The following PABPC4L variants were observed in gnomAD, a reference collection of about 807,000 sequenced individuals.
PABPC4L encodes poly(A) binding protein cytoplasmic 4 like.
For missense variants in PABPC4L, 452 were observed against 451.4 expected (o/e 1.00, Z -0.01); for synonymous variants, 169 against 164.1 (o/e 1.03, Z -0.23).
chr4:133,954,035 TAGAC>T, the PABPC4L span, among the ~76,000 whole-genome samples: 1 of 152,374 alleles, frequency 6.6e-6, no homozygotes, highest in Middle Eastern at 3.4e-3. Context: ...GGGAACCTGT[TAGAC>T]AGACATCTGC....
chr4:134,095,711 G>C, the PABPC4L span, among the ~76,000 whole-genome samples: 3 of 151,938 alleles, frequency 2.0e-5, no homozygotes, highest in Admixed American at 6.6e-5. Context: ...GATAGGTTCA[G>C]TAAATCCTTA....
At chr4:134,094,731 A>G in the PABPC4L span, among the ~76,000 whole-genome samples, 1 of 151,716 alleles carries the variant, frequency 6.6e-6, no homozygotes, top group East Asian at 1.9e-4. Context: ...AATAATATTA[A>G]AGGTAGCATT....
the PABPC4L span, among the ~76,000 whole-genome samples, chr4:134,093,872 C>A: frequency 6.6e-6 from 1 of 151,094 alleles, no homozygotes; most frequent in Non-Finnish European, 1.5e-5. Context: ...CAGTTCCCAG[C>A]CTATATTTAT....
chr4:134,035,722 C>G, the PABPC4L span, among the ~76,000 whole-genome samples: 1 of 151,906 alleles, frequency 6.6e-6, no homozygotes, highest in Non-Finnish European at 1.5e-5. Context: ...CAATTATTTT[C>G]TGGACATAGG....
At chr4:134,048,324 A>C in the PABPC4L span, among the ~76,000 whole-genome samples, 1 of 152,124 alleles carries the variant, frequency 6.6e-6, no homozygotes, top group Non-Finnish European at 1.5e-5. Context: ...AACCATTTTA[A>C]AAATATATCT....
chr4:134,049,535 G>T, the PABPC4L span, among the ~76,000 whole-genome samples: 4 of 152,100 alleles, frequency 2.6e-5, no homozygotes, highest in Admixed American at 2.6e-4. Context: ...TTACAGTGCA[G>T]ATTACATGAA....
the PABPC4L span, among the ~76,000 whole-genome samples, chr4:134,099,858 G>C: frequency 1.3e-5 from 2 of 151,600 alleles, no homozygotes; most frequent in African/African-American, 4.8e-5. Flanking sequence ...AATAGAAACC[G>C]GCAGCAATTC....
the PABPC4L span, among the ~76,000 whole-genome samples, chr4:134,119,520 G>A: frequency 6.6e-6 from 1 of 151,596 alleles, no homozygotes; most frequent in Non-Finnish European, 1.5e-5. Context: ...TTTAACTGGA[G>A]CATATAAAGT....
At position 134,200,674 on chromosome 4, in the gene PABPC4L, C is replaced by T. The variant is rs1185377602; in HGVS notation, c.346G>A (p.Glu116Lys). The change falls in exon 2 of 2, where the codon GAA becomes AAA. Residue 116 changes from glutamate to lysine, a missense_variant. By Grantham distance (56) the Glu-to-Lys change is moderately conservative. Coordinates refer to ENST00000421491, the MANE Select transcript of PABPC4L (RefSeq NM_001114734.2). ...DKSIDNKTLY[E>K]HFSAFGKILS... ...ATCTTTCCAAAAGCTGAAAAATGTT[C>T]ATAAAGGGTTTTGTTATCGATAGAT... 6.4e-7 allele frequency: 1 copy of T among 1,551,604 alleles called. No homozygotes were observed. The highest frequency in any genetic ancestry group is 8.7e-7 in the Non-Finnish European group (1 of 1,146,974).
the PABPC4L span, among the ~76,000 whole-genome samples, chr4:134,064,523 G>A: frequency 6.6e-6 from 1 of 151,996 alleles, no homozygotes; most frequent in Non-Finnish European, 1.5e-5. Flanking sequence ...TATAAAGTCT[G>A]CCTCTCTCAC....
At chr4:133,992,757 T>A in the PABPC4L span, among the ~76,000 whole-genome samples, 1 of 152,104 alleles carries the variant, frequency 6.6e-6, no homozygotes, top group Non-Finnish European at 1.5e-5. Context: ...ACAGAGAGCA[T>A]AGCAAGGAAC....
the PABPC4L span, among the ~76,000 whole-genome samples, chr4:134,031,411 T>A: frequency 6.6e-6 from 1 of 152,138 alleles, no homozygotes; most frequent in Admixed American, 6.6e-5. Context: ...AATTTTCATC[T>A]GGTACCTTGA....
chr4:134,016,278 A>T, the PABPC4L span, among the ~76,000 whole-genome samples: 1 of 152,178 alleles, frequency 6.6e-6, no homozygotes, highest in African/African-American at 2.4e-5. Flanking sequence ...ACTAAACGTC[A>T]ATATTTATAC....
At chr4:134,179,259 GA>G in the PABPC4L span, among the ~76,000 whole-genome samples, 3,419 of 151,036 alleles carry the variant, frequency 0.023, 130 homozygotes, top group African/African-American at 0.078. Flanking sequence ...ATTCTTAAAA[GA>G]AAAAAAAATT....
chr4:134,082,143 A>G, the PABPC4L span, among the ~76,000 whole-genome samples: 4 of 152,202 alleles, frequency 2.6e-5, no homozygotes, highest in African/African-American at 9.6e-5. Context: ...TTCAAAAAGA[A>G]TAAAAGGGAT....
chr4:134,164,059 C>T, the PABPC4L span, among the ~76,000 whole-genome samples: 3 of 151,176 alleles, frequency 2.0e-5, no homozygotes, highest in South Asian at 2.1e-4. Flanking sequence ...GTCAGGAGAT[C>T]GAGACCATCC....
At chr4:134,008,432 G>A in the PABPC4L span, among the ~76,000 whole-genome samples, 1 of 151,494 alleles carries the variant, frequency 6.6e-6, no homozygotes, top group Non-Finnish European at 1.5e-5. Flanking sequence ...CACACAATGT[G>A]TCCAAAGTGA....
the PABPC4L span, among the ~76,000 whole-genome samples, chr4:134,102,037 T>C: frequency 6.6e-6 from 1 of 151,534 alleles, no homozygotes; most frequent in African/African-American, 2.4e-5. Context: ...ATTCAGTCCA[T>C]ACAAATCTAA....
the PABPC4L span, among the ~76,000 whole-genome samples, chr4:134,020,202 A>T: frequency 2.0e-5 from 3 of 152,136 alleles, no homozygotes; most frequent in South Asian, 4.1e-4. Context: ...TAAGAAAGTA[A>T]AGTAGTGAAA....
Sources: gnomAD v4.1 joint callset for allele counts (sites outside exome capture counted in the v4.1 genomes callset) on GRCh38, gnomAD v4.1.1 for gene constraint, MANE v1.5 for transcripts, NCBI Gene and HGNC (gene_info 2026-07-23, HGNC 2026-07-21) for gene names.